CTNNA3: variants seen among roughly 807,000 people sequenced by gnomAD.
The protein encoded by CTNNA3 is catenin alpha-3.
Under a neutral mutation model 95.7 loss-of-function variants are expected in CTNNA3, and 76 were observed. That is an observed-to-expected ratio of 0.79 (90% CI 0.66 to 0.96). The LOEUF (loss-of-function observed/expected upper bound fraction) is 0.96. Ranked by LOEUF, CTNNA3 falls within the 40% of genes least tolerant of loss-of-function variation. CTNNA3 has a pLI of 0.00. For synonymous variants in CTNNA3, 431 were observed against 374.4 expected, an observed-to-expected ratio of 1.15 and a Z score of -1.74; for missense variants, 1,191 against 1,089.8, an observed-to-expected ratio of 1.09 and a Z score of -1.31.
chr10:66,961,771 T>C lies in CTNNA3; in HGVS notation c.1048-186247A>G, dbSNP rs533242090. Among the ~76,000 whole-genome samples, 6 of 152,266 alleles carry C rather than the reference T, an allele frequency of 3.9e-5. No individual in the cohort carries two copies. The South Asian group carries it at 1.2e-3, about 32-fold the overall frequency. On this transcript the variant is annotated intron_variant, in intron 7 of 17. Coordinates refer to ENST00000433211, the MANE Select transcript of CTNNA3 (RefSeq NM_013266.4). Reference sequence around the variant, plus strand: ...CCTTGAGGACATTTCAAAGGCTTAATAGACATTTCAAACTTAATACATGCA... The same window carrying C: ...CCTTGAGGACATTTCAAAGGCTTAACAGACATTTCAAACTTAATACATGCA...
chr10:67,643,024 A>C (rs1157952262), intron 2 of CTNNA3, among the ~76,000 whole-genome samples: 2 of 152,180 alleles, frequency 1.3e-5, no homozygotes, highest in Non-Finnish European at 2.9e-5. Flanking sequence ...ATGCACATGC[A>C]TGTTCACTGC....
chr10:67,693,315 A>G (rs996213540), intron 1 of CTNNA3, among the ~76,000 whole-genome samples: 6 of 152,190 alleles, frequency 3.9e-5, no homozygotes, highest in Admixed American at 3.9e-4. Flanking sequence ...CCGCTGTACC[A>G]TCTCACTTAA....
At chr10:67,705,705 C>G (rs1350214223) in intron 1 of CTNNA3, among the ~76,000 whole-genome samples, 1 of 148,026 alleles carries the variant, frequency 6.8e-6, no homozygotes, top group Non-Finnish European at 1.5e-5. Flanking sequence ...GTGCAGCACA[C>G]CAGCATGGCA....
intron 2 of CTNNA3, among the ~76,000 whole-genome samples, chr10:67,616,318 T>G (rs765630825): frequency 3.3e-5 from 5 of 152,156 alleles, no homozygotes; most frequent in African/African-American, 9.7e-5. Context: ...AGTAACATGA[T>G]CTGACCCCAA....
chr10:67,218,666 C>T (rs1864501987), intron 6 of CTNNA3, among the ~76,000 whole-genome samples: 2 of 152,224 alleles, frequency 1.3e-5, no homozygotes, highest in African/African-American at 4.8e-5. Flanking sequence ...CACATCCATT[C>T]TATCAAAATT....
Position 66,115,586 on chromosome 10 carries a change from T to TAGAGATAG in CTNNA3, c.1885-12338_1885-12337insCTATCTCT, listed in dbSNP as rs145903232. ...GATAGATAGACAGATAGATGATAGA[T>TAGAGATAG]AGATAGAGATAGAGATAGAGATAGA... On this transcript the variant is annotated intron_variant, in intron 13 of 17. Coordinates refer to ENST00000433211, the MANE Select transcript of CTNNA3 (RefSeq NM_013266.4). Among the ~76,000 whole-genome samples, 844 of 118,020 alleles carry TAGAGATAG rather than the reference T, an allele frequency of 7.2e-3. 7 individuals are homozygous for TAGAGATAG. Among genetic ancestry groups the TAGAGATAG allele is most frequent in the Non-Finnish European group, 9.8e-3 (530 of 54,248 alleles). 77.4% of individuals were successfully genotyped at this position (118,020 alleles called of 152,430 possible). A position where few individuals can be genotyped will look rare whatever the true frequency, so the allele number is the denominator to read the frequency against.
At chr10:67,053,800 T>C (rs7904436) in intron 7 of CTNNA3, among the ~76,000 whole-genome samples, 3,577 of 152,264 alleles carry the variant, frequency 0.023, 148 homozygotes, top group African/African-American at 0.08. Flanking sequence ...CATTTTCCCA[T>C]TGAGATTAAT....
chr10:66,330,803 G>A (rs1381082915), intron 12 of CTNNA3, among the ~76,000 whole-genome samples: 1 of 151,670 alleles, frequency 6.6e-6, no homozygotes. Context: ...GTTTTCATTT[G>A]CATTTCTCTG....
chr10:66,773,969 T>C (rs1027449103), intron 8 of CTNNA3, among the ~76,000 whole-genome samples: 2 of 152,228 alleles, frequency 1.3e-5, no homozygotes, highest in Admixed American at 6.5e-5. Flanking sequence ...ATAATTATAC[T>C]AAACCATGTT....
chr10:67,208,105 G>T (rs1863981702), intron 6 of CTNNA3, among the ~76,000 whole-genome samples: 1 of 152,124 alleles, frequency 6.6e-6, no homozygotes, highest in Non-Finnish European at 1.5e-5. Flanking sequence ...AGGCGCGGTG[G>T]CTCATGCCTG....
intron 10 of CTNNA3, among the ~76,000 whole-genome samples, chr10:66,601,052 T>C (rs1400107441): frequency 1.3e-5 from 2 of 151,848 alleles, no homozygotes; most frequent in Admixed American, 6.6e-5. Flanking sequence ...TTCTTTATAA[T>C]AGAATGAGCC....
intron 11 of CTNNA3, among the ~76,000 whole-genome samples, chr10:66,472,672 A>G (rs749712035): frequency 2.7e-4 from 41 of 152,194 alleles, no homozygotes; most frequent in Non-Finnish European, 4.4e-4. Flanking sequence ...AAAATTAACT[A>G]TAAAAACTCA....
chr10:67,482,644 T>A (rs559610311), intron 5 of CTNNA3, among the ~76,000 whole-genome samples: 38 of 152,288 alleles, frequency 2.5e-4, no homozygotes, highest in African/African-American at 8.7e-4. Context: ...TTAAGGATAT[T>A]TTGGGCTGAG....
intron 5 of CTNNA3, among the ~76,000 whole-genome samples, chr10:67,485,874 C>T (rs1039463655): frequency 1.3e-5 from 2 of 152,206 alleles, no homozygotes; most frequent in South Asian, 4.1e-4. Flanking sequence ...TTAAAGCCAA[C>T]AGTGATCATC....
intron 14 of CTNNA3, among the ~76,000 whole-genome samples, chr10:66,093,919 T>C (rs914374553): frequency 6.6e-6 from 1 of 152,078 alleles, no homozygotes. Context: ...CTGTACTAAG[T>C]AGTGTCCTAC....
intron 7 of CTNNA3, among the ~76,000 whole-genome samples, chr10:66,979,366 T>G (rs900325145): frequency 2.0e-5 from 3 of 152,212 alleles, no homozygotes; most frequent in Non-Finnish European, 4.4e-5. Flanking sequence ...AGTTTTAATT[T>G]GCTCACAGTA....
At chr10:67,566,061 A>ATATATATATATATATATATATATG (rs1184891307) in intron 3 of CTNNA3, among the ~76,000 whole-genome samples, 9 of 94,244 alleles carry the variant, frequency 9.5e-5, no homozygotes, top group African/African-American at 3.6e-4. Flanking sequence ...ATATATATAT[A>ATATATATATATATATATATATATG]TATATATATA....
At chr10:66,428,285 C>T (rs1353571008) in intron 11 of CTNNA3, among the ~76,000 whole-genome samples, 1 of 152,126 alleles carries the variant, frequency 6.6e-6, no homozygotes, top group African/African-American at 2.4e-5. Context: ...GAGACTTAGA[C>T]TCCCACACAA....
chr10:66,127,626 G>A (rs1472721416), intron 13 of CTNNA3, among the ~76,000 whole-genome samples: 1 of 152,054 alleles, frequency 6.6e-6, no homozygotes, highest in African/African-American at 2.4e-5. Flanking sequence ...TAGAGGGCTA[G>A]GAAAGGAAAA....
Sources: gnomAD v4.1 joint callset for allele counts (sites outside exome capture counted in the v4.1 genomes callset) on GRCh38, gnomAD v4.1.1 for gene constraint, MANE v1.5 for transcripts, NCBI Gene and HGNC (gene_info 2026-07-23, HGNC 2026-07-21) for gene names.